Variants in PEAR1 observed in about 807,000 individuals in gnomAD.
PEAR1 encodes multiple EGF-like domains protein 12.
Under a neutral mutation model 131.2 loss-of-function variants are expected in PEAR1, and 113 were observed. That is an observed-to-expected ratio of 0.86 (90% CI 0.74 to 1.01). The LOEUF (loss-of-function observed/expected upper bound fraction) is 1.01, where lower values mean the gene tolerates loss of function less well. Among genes scored for constraint, PEAR1 ranks in the 50% least tolerant of loss-of-function variants. PEAR1 has a pLI of 0.00. For missense variants in PEAR1, 1,408 were observed against 1,391.1 expected (o/e 1.01, Z -0.19); for synonymous variants, 565 against 523.3 (o/e 1.08, Z -1.09).
intron 15 of PEAR1, among the ~76,000 whole-genome samples, chr1:156,911,012 C>T (rs904172933): frequency 4.0e-5 from 6 of 151,318 alleles, no homozygotes; most frequent in Non-Finnish European, 8.8e-5. Flanking sequence ...ATAGGCTTAG[C>T]TTGGGACATT....
In PEAR1 at chr1:156,912,324, G is replaced by A. The variant is rs202206234; in HGVS notation, c.2029G>A (p.Asp677Asn). 6.2e-7 allele frequency: 1 copy of A among 1,613,944 alleles called. No individual in the cohort carries two copies. The highest frequency in any genetic ancestry group is 2.2e-5 in the East Asian group (1 of 44,892). Reference sequence around the variant, plus strand: ...CCATGGTGGGACCTGCCATCCCCAGGATGGGAGCTGTATCTGCCCCCTAGG... The same window carrying A: ...CCATGGTGGGACCTGCCATCCCCAGAATGGGAGCTGTATCTGCCCCCTAGG... ...CHHGGTCHPQDGSCICPLGWT... is the reference protein window; with the variant it reads ...CHHGGTCHPQNGSCICPLGWT... Residue 677 changes from aspartate (D) to asparagine (N), a missense_variant, in exon 16 of 23, where the codon GAT becomes AAT. Physicochemically the swap from Asp to Asn is conservative, Grantham distance 23. Transcript: ENST00000292357.
In PEAR1 at chr1:156,904,735, C is replaced by A; in HGVS notation, c.102-13C>A. Reference sequence around the variant, plus strand: ...TCCTGCCCTCGGCCCTGACCCTGTTCCCTGTCTTGCAGCTTCACTACCACC... The same window carrying A: ...TCCTGCCCTCGGCCCTGACCCTGTTACCTGTCTTGCAGCTTCACTACCACC... On this transcript the variant is annotated splice_polypyrimidine_tract_variant and intron_variant, in intron 2 of 22. Coordinates refer to ENST00000292357, the MANE Select transcript of PEAR1 (RefSeq NM_001080471.3). 6.2e-7 allele frequency: 1 copy of A among 1,605,738 alleles called. No individual in the cohort carries two copies. The highest frequency in any genetic ancestry group is 1.1e-5 in the South Asian group (1 of 89,748).
At position 156,914,690 on chromosome 1, in the gene PEAR1, AC is replaced by A. The variant is rs750264783; in HGVS notation, c.3012del (p.Gly1005AlafsTer57). On this transcript the variant is annotated frameshift_variant, in exon 23 of 23. Coordinates refer to ENST00000292357, the MANE Select transcript of PEAR1 (RefSeq NM_001080471.3). LOFTEE classifies it high-confidence loss of function. ...CCCAGCCCCCTCTGCCTCCGGGCCT[AC>A]CCCCCGGCCACTATGACTCACCCAA... is the stretch of plus-strand genomic sequence containing the variant. ...GSQPPLPPGL[P>X]PGHYDSPKNS... The A allele has an allele frequency of 3.1e-6, 5 of 1,612,708 alleles. No individual in the cohort carries two copies. Among genetic ancestry groups the A allele is most frequent in the Non-Finnish European group, 4.2e-6 (5 of 1,179,394 alleles).
At chr1:156,905,082 T>TA in intron 3 of PEAR1, 1 of 880,246 alleles carries the variant, frequency 1.1e-6, no homozygotes, top group African/African-American at 1.7e-5. Context: ...CCTGTGGGGT[T>TA]GGGGGGGGGG....
chr1:156,898,988 C>T (rs981103515), intron 1 of PEAR1, among the ~76,000 whole-genome samples: 2 of 152,150 alleles, frequency 1.3e-5, no homozygotes, highest in East Asian at 1.9e-4. Context: ...GAGGCAGAAA[C>T]CCTGGAGCTT....
intron 6 of PEAR1, among the ~76,000 whole-genome samples, chr1:156,907,224 G>A (rs1418055312): frequency 6.6e-6 from 1 of 152,242 alleles, no homozygotes; most frequent in Non-Finnish European, 1.5e-5. Context: ...TGCAGGGGGA[G>A]CTGGGGAGTC....
At chr1:156,905,450 C>T (rs199543096) in intron 4 of PEAR1, 26 bp downstream of exon 4, 23 of 1,565,320 alleles carry the variant, frequency 1.5e-5, no homozygotes, top group South Asian at 8.2e-5. Flanking sequence ...GGTTAGGGAG[C>T]GGGGTGGGGC....
At chr1:156,904,638 C>T (rs1650029497) in intron 2 of PEAR1, 110 bp from the exon 3 acceptor site, 7 of 1,094,914 alleles carry the variant, frequency 6.4e-6, no homozygotes, top group Admixed American at 4.6e-5. Context: ...GCAGCCCCAG[C>T]GTTGGGCTGT....
At chr1:156,904,469 C>T (rs1650006357) in intron 2 of PEAR1, among the ~76,000 whole-genome samples, 1 of 152,170 alleles carries the variant, frequency 6.6e-6, no homozygotes, top group Non-Finnish European at 1.5e-5. Flanking sequence ...CCTTTCCATA[C>T]AGGGAGGAGA....
chr1:156,905,421 GT>G lies in PEAR1; in HGVS notation c.305del (p.Val102AlafsTer275). The G allele has an allele frequency of 6.2e-7, 1 of 1,601,992 alleles. No individual in the cohort carries two copies. The highest frequency in any genetic ancestry group is 2.2e-5 in the East Asian group (1 of 44,846). On this transcript the variant is annotated frameshift_variant and splice_region_variant, in exon 4 of 23. Transcript: ENST00000292357. LOFTEE classifies it high-confidence loss of function. ...CTTCTATGAGAGCAGGGGGTTCTGT[GT>G]CCGTGAGTCCAGGGTTGGGTTAGGG... The part of the protein sequence containing the change: ...HGFYESRGFC[V>X]PLCAQECVHG...
chr1:156,907,593 C>T lies in PEAR1; in HGVS notation c.645-17C>T, dbSNP rs1443150567. On this transcript the variant is annotated splice_polypyrimidine_tract_variant and intron_variant, in intron 6 of 22. Transcript: ENST00000292357. ...ATTGCTTGTTTGCACATTGACTCCA[C>T]CCACTCTGTCCTGCAGCTGTGACGT... The T allele has an allele frequency of 1.9e-6, 3 of 1,599,470 alleles. No individual in the cohort carries two copies.
chr1:156,913,388 T>C lies in PEAR1; in HGVS notation c.2512-3T>C. 6.2e-7 allele frequency: 1 copy of C among 1,612,946 alleles called. No homozygotes were observed. The highest frequency in any genetic ancestry group is 8.5e-7 in the Non-Finnish European group (1 of 1,179,774). ...CTCTCCCTCCTGCACTGTCCCCTCT[T>C]AGGTTCCAGGCCCGCTCTTTGCCAG... On this transcript the variant is annotated splice_polypyrimidine_tract_variant and splice_region_variant and intron_variant, in intron 19 of 22. Coordinates refer to ENST00000292357, the MANE Select transcript of PEAR1 (RefSeq NM_001080471.3).
chr1:156,915,270 T>A lies in PEAR1; in HGVS notation c.*472T>A, dbSNP rs935440936. On this transcript the variant is annotated 3_prime_UTR_variant, in exon 23 of 23. Transcript: ENST00000292357. The stretch of plus-strand genomic sequence containing the variant: ...CTCCTAACTGGCCTCCTCCATTGAT[T>A]CAGTGAACCTTCCAATGCATGGCTC... The A allele has an allele frequency of 2.0e-5, 3 of 153,620 alleles. No individual in the cohort carries two copies. Among genetic ancestry groups the A allele is most frequent in the African/African-American group, 7.2e-5 (3 of 41,482 alleles). The allele number at this position is 153,620 out of a possible 1,614,324, so 9.5% of individuals were successfully genotyped here.
In PEAR1 at chr1:156,905,050, C is replaced by T. The variant is rs114175834; in HGVS notation, c.206+198C>T. On this transcript the variant is annotated intron_variant, in intron 3 of 22. Coordinates refer to ENST00000292357, the MANE Select transcript of PEAR1 (RefSeq NM_001080471.3). ...AATGCGTGTATGTGTGTTTAGGGTACGCATGCATGTTACAGTATATGCCTG... is the reference window on the plus strand; with the variant it reads ...AATGCGTGTATGTGTGTTTAGGGTATGCATGCATGTTACAGTATATGCCTG... 1,899 of 1,500,580 alleles carry T rather than the reference C, an allele frequency of 1.3e-3. 17 individuals carry two copies. The African/African-American group carries it at 0.022, about 17-fold the overall frequency. The allele number at this position is 1,500,580 out of a possible 1,614,324, so 93.0% of individuals were successfully genotyped here. A position where few individuals can be genotyped will look rare whatever the true frequency, so the allele number is the denominator to read the frequency against.
chr1:156,914,929 A>G lies in PEAR1; in HGVS notation c.*131A>G. ...GCTGTGAACATGAACAACGCTTAAC[A>G]GAGCAAGTGATGGGAGCCTTGTTCC... On this transcript the variant is annotated 3_prime_UTR_variant, in exon 23 of 23. Transcript: ENST00000292357. The G allele has an allele frequency of 1.0e-6, 1 of 986,254 alleles. No homozygotes were observed. Among genetic ancestry groups the G allele is most frequent in the East Asian group, 2.9e-5 (1 of 34,346 alleles). The allele number at this position is 986,254 out of a possible 1,614,324, so 61.1% of individuals were successfully genotyped here.
rs377536953 is a variant in PEAR1, at chr1:156,907,466, TTCTGAC to T, written c.645-141_645-136del. 6.3e-4 allele frequency: 890 copies of T among 1,407,728 alleles called. 5 individuals carry two copies. In the African/African-American group the frequency reaches 0.011, roughly 18 times the overall value. The allele number at this position is 1,407,728 out of a possible 1,614,324, so 87.2% of individuals were successfully genotyped here. A position where few individuals can be genotyped will look rare whatever the true frequency, so the allele number is the denominator to read the frequency against. On this transcript the variant is annotated intron_variant, in intron 6 of 22. Transcript: ENST00000292357. ...ATTTCCAGTCCTGGAAACCTTTGCTTTCTGACTCGACAGTCCCCAGCAGGAAAGAGC... is the reference window on the plus strand; with the variant it reads ...ATTTCCAGTCCTGGAAACCTTTGCTTTCGACAGTCCCCAGCAGGAAAGAGC...
chr1:156,899,412 C>T (rs540945379), intron 1 of PEAR1, among the ~76,000 whole-genome samples: 5 of 151,854 alleles, frequency 3.3e-5, no homozygotes, highest in East Asian at 1.9e-4. Context: ...ATGCACCTGG[C>T]GGGCAGCCCA....
chr1:156,913,128 A>T, intron 18 of PEAR1, 66 bp from the exon 19 acceptor site: 1 of 1,569,856 alleles, frequency 6.4e-7, no homozygotes, highest in Non-Finnish European at 8.7e-7. Flanking sequence ...ATCTCCGGGG[A>T]CAAAACAGCT....
At chr1:156,901,738 G>T (rs1273043889) in intron 1 of PEAR1, among the ~76,000 whole-genome samples, 3 of 152,202 alleles carry the variant, frequency 2.0e-5, no homozygotes, top group Non-Finnish European at 1.5e-5. Context: ...AGAGGCATAT[G>T]GAGGGCTCGG....
Sources: gnomAD v4.1 joint callset for allele counts (sites outside exome capture counted in the v4.1 genomes callset) on GRCh38, gnomAD v4.1.1 for gene constraint, MANE v1.5 for transcripts, NCBI Gene and HGNC (gene_info 2026-07-23, HGNC 2026-07-21) for gene names.